The following STXBP5 variants were observed in gnomAD, a reference collection of about 807,000 sequenced individuals.
STXBP5 encodes the protein syntaxin-binding protein 5.
Under a neutral mutation model 152.4 loss-of-function variants are expected in STXBP5, and 50 were observed. That is an observed-to-expected ratio of 0.33 (90% confidence interval 0.26 to 0.42). STXBP5 has a LOEUF of 0.42. Ranked by LOEUF, STXBP5 falls within the 10% of genes least tolerant of loss-of-function variation. STXBP5 has a pLI of 1.00. For synonymous variants in STXBP5, 492 were observed against 494.7 expected (o/e 0.99, Z 0.07); for missense variants, 1,167 against 1,388.6 (o/e 0.84, Z 2.54).
intron 21 of STXBP5, among the ~76,000 whole-genome samples, chr6:147,349,270 T>A (rs1173891392): frequency 6.6e-6 from 1 of 152,170 alleles, no homozygotes; most frequent in Non-Finnish European, 1.5e-5. Context: ...TATATTGTTG[T>A]AGAACAGGCA....
chr6:147,292,749 G>A (rs1411863130), intron 9 of STXBP5: 1 of 152,142 alleles, frequency 6.6e-6, no homozygotes, highest in African/African-American at 2.4e-5. Context: ...AACAAATATT[G>A]ACTGGCAACA....
chr6:147,318,142 A>C (rs1183644495), intron 16 of STXBP5, among the ~76,000 whole-genome samples: 1 of 152,210 alleles, frequency 6.6e-6, no homozygotes, highest in Non-Finnish European at 1.5e-5. Context: ...ATAAAACATT[A>C]AATTCTTTTC....
chr6:147,331,805 TAAAAAAA>T (rs758010688), intron 18 of STXBP5, among the ~76,000 whole-genome samples: 2 of 115,398 alleles, frequency 1.7e-5, no homozygotes, highest in East Asian at 4.7e-4. Context: ...TTCTACCAGT[TAAAAAAA>T]AAAAAAAAAA....
rs139292845 is a variant in STXBP5 at position 147,226,861 on chromosome 6, A to G, written c.249-8389A>G. Among the ~76,000 whole-genome samples, 18 of 152,344 alleles carry G rather than the reference A, an allele frequency of 1.2e-4. No homozygotes were observed. The East Asian group carries it at 2.9e-3, about 24-fold the overall frequency. On this transcript the variant is annotated intron_variant, in intron 2 of 27. Transcript: ENST00000321680. ...TGAGTTAAGCAAACATGGTTAAGGA[A>G]TATCATTCTATAGCTTTGTATCTTT...
intron 9 of STXBP5, chr6:147,293,430 T>C (rs1582901297): frequency 1.3e-5 from 2 of 152,208 alleles, no homozygotes; most frequent in South Asian, 2.1e-4. Flanking sequence ...CATTATACTA[T>C]GCAGCCTAAA....
At chr6:147,205,718 C>T (rs755218690) in intron 1 of STXBP5, among the ~76,000 whole-genome samples, 31 of 152,264 alleles carry the variant, frequency 2.0e-4, no homozygotes, top group Non-Finnish European at 4.1e-4. Context: ...AAAAGATTTT[C>T]TTCTATGGAA....
chr6:147,339,370 T>G lies in STXBP5; in HGVS notation c.2240T>G (p.Val747Gly). The change falls in exon 21 of 28, where the codon GTA becomes GGA. Residue 747 changes from valine (V) to glycine (G), a missense_variant. Val to Gly is a moderately radical substitution (Grantham distance 109). Transcript: ENST00000321680. ...KTKSRKFSKM[V>G]ANDIAKMSRK... Reference sequence around the variant, plus strand: ...AAAAGCAGAAAGTTTTCCAAGATGGTAGCCAATGATATAGGTAGGAAATAG... The same window carrying G: ...AAAAGCAGAAAGTTTTCCAAGATGGGAGCCAATGATATAGGTAGGAAATAG... 1 of 1,500,114 alleles carries G rather than the reference T, an allele frequency of 6.7e-7. No homozygotes were observed. Among genetic ancestry groups the G allele is most frequent in the Non-Finnish European group, 8.8e-7 (1 of 1,132,172 alleles). 92.9% of individuals were successfully genotyped at this position (1,500,114 alleles called of 1,614,324 possible).
rs142071065 is a variant in STXBP5, at chr6:147,364,087, A to G, written c.3002A>G (p.Asn1001Ser). Residue 1001 changes from asparagine (N) to serine (S), a missense_variant, in exon 25 of 28, where the codon AAT becomes AGT. Physicochemically the swap from Asn to Ser is conservative, Grantham distance 46. This residue lies in a region of STXBP5 where 833 missense variants were observed against 986.3 expected (regional missense o/e 0.84). Coordinates refer to ENST00000321680, the MANE Select transcript of STXBP5 (RefSeq NM_001127715.4). ...RIARTFCFTN[N>S]GQALYLVSPT... ...GCCAGAACGTTCTGCTTTACCAACA[A>G]TGGACAAGCATTATACCTTGTTTCA... The G allele has an allele frequency of 1.5e-4, 245 of 1,613,864 alleles. No individual in the cohort carries two copies. Among genetic ancestry groups the G allele is most frequent in the Admixed American group, 2.7e-4 (16 of 60,006 alleles).
At chr6:147,221,595 G>C (rs926876113) in intron 2 of STXBP5, among the ~76,000 whole-genome samples, 1 of 147,808 alleles carries the variant, frequency 6.8e-6, no homozygotes, top group African/African-American at 2.5e-5. Flanking sequence ...CTCTCTTCTT[G>C]CCTGCATGGT....
At chr6:147,359,783 C>T (rs1000963406) in intron 23 of STXBP5, among the ~76,000 whole-genome samples, 5 of 151,916 alleles carry the variant, frequency 3.3e-5, no homozygotes, top group African/African-American at 1.2e-4. Context: ...CTACAAAGGA[C>T]ATGAACTCAT....
At chr6:147,295,682 C>G (rs1781484284) in intron 9 of STXBP5, among the ~76,000 whole-genome samples, 1 of 152,146 alleles carries the variant, frequency 6.6e-6, no homozygotes. Context: ...CATAGGCCCC[C>G]AACAGTCCCC....
At chr6:147,280,570 T>C (rs1780654853) in intron 8 of STXBP5, among the ~76,000 whole-genome samples, 1 of 152,252 alleles carries the variant, frequency 6.6e-6, no homozygotes. Context: ...CATCAAACTT[T>C]TCCCCTTTAG....
chr6:147,354,611 T>A (rs1784735205), intron 22 of STXBP5, among the ~76,000 whole-genome samples: 1 of 152,166 alleles, frequency 6.6e-6, no homozygotes, highest in Admixed American at 6.5e-5. Flanking sequence ...TTAAAGTGGC[T>A]TTGTGTATTT....
At chr6:147,213,463 T>TGC (rs1776979330) in intron 2 of STXBP5, among the ~76,000 whole-genome samples, 1 of 141,858 alleles carries the variant, frequency 7.0e-6, no homozygotes, top group Admixed American at 7.3e-5. Flanking sequence ...TGTGTGTGTG[T>TGC]GTGTGTGTGT....
intron 11 of STXBP5, among the ~76,000 whole-genome samples, chr6:147,313,045 G>A (rs962678464): frequency 1.3e-5 from 2 of 152,150 alleles, no homozygotes; most frequent in South Asian, 2.1e-4. Context: ...GTTGCTTGCC[G>A]TTTTGTCATT....
At chr6:147,313,151 C>G (rs1171720747) in intron 11 of STXBP5, among the ~76,000 whole-genome samples, 3 of 152,118 alleles carry the variant, frequency 2.0e-5, no homozygotes, top group East Asian at 3.9e-4. Context: ...GGAAATTTCT[C>G]TCTTCTGTTT....
At chr6:147,309,270 G>A (rs965781047) in intron 9 of STXBP5, among the ~76,000 whole-genome samples, 4 of 151,980 alleles carry the variant, frequency 2.6e-5, no homozygotes, top group Non-Finnish European at 4.4e-5. Context: ...AATCATAAAT[G>A]GAGATACTTA....
chr6:147,282,953 T>C (rs1780771019), intron 8 of STXBP5, among the ~76,000 whole-genome samples: 1 of 151,892 alleles, frequency 6.6e-6, no homozygotes, highest in Non-Finnish European at 1.5e-5. Context: ...TAAAATACAC[T>C]AACACTAATG....
At chr6:147,241,421 A>G (rs552205881) in intron 4 of STXBP5, among the ~76,000 whole-genome samples, 14 of 152,296 alleles carry the variant, frequency 9.2e-5, no homozygotes, top group African/African-American at 3.4e-4. Flanking sequence ...CTGACCGAAA[A>G]ACCAATATGT....
Sources: gnomAD v4.1 joint callset for allele counts (sites outside exome capture counted in the v4.1 genomes callset) on GRCh38, gnomAD v4.1.1 for gene constraint, gnomAD v4.1.1 regional missense constraint, MANE v1.5 for transcripts, NCBI Gene and HGNC (gene_info 2026-07-23, HGNC 2026-07-21) for gene names.